Variants in CTIF observed in about 807,000 individuals in gnomAD.
CTIF encodes the protein CBP80/20-dependent translation initiation factor.
In CTIF, 21 loss-of-function variants were observed where a neutral mutation model predicts 66.0. The observed-to-expected ratio is 0.32, with a 90% confidence interval of 0.23 to 0.46. The LOEUF (loss-of-function observed/expected upper bound fraction) is 0.46, where lower values mean the gene tolerates loss of function less well. Among genes scored for constraint, CTIF ranks in the 20% least tolerant of loss-of-function variants. CTIF has a pLI of 1.00. For missense variants in CTIF, 739 were observed against 812.7 expected (o/e 0.91, Z 1.10); for synonymous variants, 345 against 326.4 (o/e 1.06, Z -0.62).
chr18:48,658,736 A>G (rs779670298), intron 3 of CTIF, among the ~76,000 whole-genome samples: 22 of 152,138 alleles, frequency 1.4e-4, no homozygotes, highest in South Asian at 2.1e-4. Flanking sequence ...ATGTATGCAT[A>G]TGCGGCCCTG....
At chr18:48,674,936 A>G (rs1196910480) in intron 6 of CTIF, among the ~76,000 whole-genome samples, 2 of 152,120 alleles carry the variant, frequency 1.3e-5, no homozygotes, top group Non-Finnish European at 2.9e-5. Flanking sequence ...GAGCTAGCCA[A>G]TAGCCAGGTT....
intron 6 of CTIF, among the ~76,000 whole-genome samples, chr18:48,695,647 T>A (rs1037036899): frequency 1.3e-4 from 20 of 152,256 alleles, no homozygotes; most frequent in African/African-American, 4.8e-4. Flanking sequence ...ATCTCAGGGC[T>A]ATTGTGAGGT....
intron 1 of CTIF, among the ~76,000 whole-genome samples, chr18:48,551,900 C>T (rs2088892429): frequency 6.6e-6 from 1 of 152,086 alleles, no homozygotes; most frequent in South Asian, 2.1e-4. Context: ...TGGGTTCACG[C>T]CATTCTCCTG....
intron 2 of CTIF, among the ~76,000 whole-genome samples, chr18:48,624,934 CA>C (rs2144493436): frequency 6.6e-6 from 1 of 152,284 alleles, no homozygotes; most frequent in Admixed American, 6.5e-5. Flanking sequence ...TGCTTTCCGG[CA>C]CTTGGAAACC....
intron 7 of CTIF, among the ~76,000 whole-genome samples, chr18:48,716,660 C>T (rs2092285192): frequency 1.3e-5 from 2 of 152,178 alleles, no homozygotes; most frequent in Non-Finnish European, 2.9e-5. Flanking sequence ...GGAAAAGCCA[C>T]TGGAGCCTGC....
intron 2 of CTIF, among the ~76,000 whole-genome samples, chr18:48,633,512 G>C (rs556447282): frequency 1.4e-4 from 21 of 152,144 alleles, no homozygotes; most frequent in African/African-American, 5.1e-4. Flanking sequence ...AACCAGGCTG[G>C]CCAACATGGT....
chr18:48,604,670 C>T (rs1368593645), intron 1 of CTIF, among the ~76,000 whole-genome samples: 2 of 152,140 alleles, frequency 1.3e-5, no homozygotes, highest in Non-Finnish European at 2.9e-5. Flanking sequence ...TTATAATTTA[C>T]ACATTTAAAA....
intron 7 of CTIF, among the ~76,000 whole-genome samples, chr18:48,756,767 C>T (rs1445001881): frequency 1.3e-5 from 2 of 152,164 alleles, no homozygotes; most frequent in African/African-American, 4.8e-5. Flanking sequence ...TGTCCCTCAC[C>T]ACCCCTTCAC....
At chr18:48,773,921 T>G (rs1910411844) in intron 9 of CTIF, among the ~76,000 whole-genome samples, 1 of 152,158 alleles carries the variant, frequency 6.6e-6, no homozygotes, top group African/African-American at 2.4e-5. Context: ...CCAGCAGGAA[T>G]GCCACACTTG....
In CTIF at chr18:48,761,354, C is replaced by T; in HGVS notation, c.1072-36C>T. Reference sequence around the variant, plus strand: ...CACCCCTGCACAGAGACCTCGGCTTCACTCAGGCACATTCATTTGTCTCCG... The same window carrying T: ...CACCCCTGCACAGAGACCTCGGCTTTACTCAGGCACATTCATTTGTCTCCG... On this transcript the variant is annotated intron_variant, in intron 8 of 11. Transcript: ENST00000256413. This position sits in a 1 kb window ranked among gnomAD's most constrained non-coding sequence, Gnocchi z 4.2. 1 of 1,598,086 alleles carries T rather than the reference C, an allele frequency of 6.3e-7. No homozygotes were observed. The highest frequency in any genetic ancestry group is 8.5e-7 in the Non-Finnish European group (1 of 1,170,192).
intron 9 of CTIF, among the ~76,000 whole-genome samples, chr18:48,810,103 T>C (rs767403200): frequency 5.9e-5 from 9 of 152,112 alleles, no homozygotes; most frequent in Non-Finnish European, 1.0e-4. Flanking sequence ...TGTTATAAAA[T>C]TTCATAGGTA....
intron 1 of CTIF, among the ~76,000 whole-genome samples, chr18:48,564,203 G>C (rs1306085409): frequency 1.3e-5 from 2 of 152,214 alleles, no homozygotes; most frequent in Non-Finnish European, 2.9e-5. Context: ...CTAGAGGCTA[G>C]AAGATTGTTC....
chr18:48,817,153 A>T, intron 9 of CTIF, 68 bp from the exon 10 acceptor site: 1 of 1,509,200 alleles, frequency 6.6e-7, no homozygotes, highest in Non-Finnish European at 9.0e-7. Context: ...GATGCTCTGC[A>T]CAGCAGGGTG....
chr18:48,685,570 C>G (rs2091826364), intron 6 of CTIF, among the ~76,000 whole-genome samples: 1 of 152,012 alleles, frequency 6.6e-6, no homozygotes. Flanking sequence ...GCGCTGTGTC[C>G]CTCTTCGTGC....
chr18:48,576,977 G>A (rs1280743055), intron 1 of CTIF, among the ~76,000 whole-genome samples: 2 of 152,218 alleles, frequency 1.3e-5, no homozygotes, highest in African/African-American at 2.4e-5. Flanking sequence ...ATTGCAAGTC[G>A]TGGCCTCCAT....
At chr18:48,638,084 C>A (rs1201962277) in intron 3 of CTIF, among the ~76,000 whole-genome samples, 1 of 151,994 alleles carries the variant, frequency 6.6e-6, no homozygotes, top group East Asian at 1.9e-4. Flanking sequence ...TGCCTCCCTG[C>A]CTGGGACCCC....
chr18:48,819,601 G>A (rs1568244083), intron 10 of CTIF, among the ~76,000 whole-genome samples: 1 of 152,196 alleles, frequency 6.6e-6, no homozygotes, highest in Non-Finnish European at 1.5e-5. Context: ...GATGTGTGCA[G>A]ACAAGAACAA....
intron 7 of CTIF, among the ~76,000 whole-genome samples, chr18:48,746,637 G>A (rs949494623): frequency 1.3e-5 from 2 of 151,824 alleles, no homozygotes; most frequent in Non-Finnish European, 2.9e-5. Context: ...TGATAGTCAC[G>A]GCCACATAGC....
rs368083958 is a variant in CTIF, at chr18:48,760,046, C to T, written c.1072-1344C>T. On this transcript the variant is annotated intron_variant, in intron 8 of 11. Transcript: ENST00000256413. ...TCTCTCTTTCAAGAGACAGGTAAAG[C>T]GTGAGATGTCTCTTGGGGTGGGGAT... 2.6e-5 allele frequency: 4 copies of T among 152,260 alleles called. No homozygotes were observed. In the East Asian group the frequency reaches 7.7e-4, roughly 29 times the overall value. The allele number at this position is 152,260 out of a possible 1,614,324, so 9.4% of individuals were successfully genotyped here. A position where few individuals can be genotyped will look rare whatever the true frequency, so the allele number is the denominator to read the frequency against.
Sources: allele counts gnomAD v4.1 joint callset (sites outside exome capture counted in the v4.1 genomes callset), GRCh38; gene constraint gnomAD v4.1.1; non-coding constraint Gnocchi (gnomAD v3.1); transcripts MANE v1.5; gene names NCBI Gene and HGNC (gene_info 2026-07-23, HGNC 2026-07-21).